The following NAV3 variants were observed in gnomAD, a reference collection of about 807,000 sequenced individuals.
NAV3 encodes neuron navigator 3.
Under a neutral mutation model 244.7 loss-of-function variants are expected in NAV3, and 87 were observed. That is an observed-to-expected ratio of 0.36 (90% confidence interval 0.30 to 0.42). The LOEUF is 0.42. NAV3 is among the 20% of genes least tolerant of loss of function. The pLI is 1.00. For missense variants in NAV3, 2,663 were observed against 2,893.3 expected (o/e 0.92, Z 1.83); for synonymous variants, 1,126 against 1,042.2 (o/e 1.08, Z -1.55).
intron 2 of NAV3, among the ~76,000 whole-genome samples, chr12:77,804,771 C>T (rs1871886916): frequency 6.6e-6 from 1 of 152,042 alleles, no homozygotes; most frequent in African/African-American, 2.4e-5. Context: ...GCAGTATGGC[C>T]ATTTTCACGA....
intron 2 of NAV3, among the ~76,000 whole-genome samples, chr12:77,676,432 C>T (rs971479244): frequency 1.3e-5 from 2 of 152,186 alleles, no homozygotes; most frequent in African/African-American, 4.8e-5. Flanking sequence ...AGCTGACAAG[C>T]ATGTCTTATA....
At chr12:77,860,737 G>A (rs1879138739) in intron 1 of NAV3, among the ~76,000 whole-genome samples, 1 of 151,842 alleles carries the variant, frequency 6.6e-6, no homozygotes, top group African/African-American at 2.4e-5. Context: ...TTTAAATAGA[G>A]CTCTGCATGA....
chr12:77,885,037 A>C (rs1439453027), intron 1 of NAV3, among the ~76,000 whole-genome samples: 1 of 152,140 alleles, frequency 6.6e-6, no homozygotes, highest in Non-Finnish European at 1.5e-5. Flanking sequence ...GGAAGAGTCT[A>C]CATTCATGGA....
chr12:77,711,719 T>C (rs1223573873), intron 2 of NAV3, among the ~76,000 whole-genome samples: 2 of 152,112 alleles, frequency 1.3e-5, no homozygotes, highest in Non-Finnish European at 2.9e-5. Context: ...GACTGGAAGA[T>C]TTTGACTGGA....
chr12:77,763,676 C>T (rs983816963), intron 2 of NAV3, among the ~76,000 whole-genome samples: 1 of 152,192 alleles, frequency 6.6e-6, no homozygotes, highest in African/African-American at 2.4e-5. Flanking sequence ...GGAAATATTA[C>T]ACTGCCCTGT....
chr12:77,701,211 A>C (rs752443902), intron 2 of NAV3, among the ~76,000 whole-genome samples: 98 of 151,920 alleles, frequency 6.5e-4, no homozygotes, highest in South Asian at 1.0e-3. Flanking sequence ...ATTTGAGTAC[A>C]AATTTATTTT....
At chr12:77,624,175 C>T (rs565482309) in intron 2 of NAV3, among the ~76,000 whole-genome samples, 17 of 152,060 alleles carry the variant, frequency 1.1e-4, no homozygotes, top group Admixed American at 7.9e-4. Context: ...GAAGAGGTGA[C>T]GTTTTGAAAA....
intron 1 of NAV3, among the ~76,000 whole-genome samples, chr12:77,850,507 C>T (rs1877347721): frequency 6.6e-6 from 1 of 152,198 alleles, no homozygotes; most frequent in East Asian, 1.9e-4. Context: ...TTCTTGCTTT[C>T]TTTCAAATCT....
chr12:78,020,342 T>G (rs1876937796), intron 8 of NAV3, among the ~76,000 whole-genome samples: 1 of 152,188 alleles, frequency 6.6e-6, no homozygotes, highest in Admixed American at 6.5e-5. Flanking sequence ...TCTTTTAAAT[T>G]TAGCTACTTT....
chr12:77,948,573 A>G (rs1040287661), intron 3 of NAV3, among the ~76,000 whole-genome samples: 8 of 151,860 alleles, frequency 5.3e-5, no homozygotes, highest in African/African-American at 1.7e-4. Context: ...ACAAAATACA[A>G]TCATTGTATT....
intron 2 of NAV3, among the ~76,000 whole-genome samples, chr12:77,718,596 C>CA (rs1876469654): frequency 6.6e-6 from 1 of 151,740 alleles, no homozygotes; most frequent in Admixed American, 6.6e-5. Flanking sequence ...TCTATTTCTA[C>CA]AAAAAAGCCA....
chr12:78,134,607 C>T (rs1480376515), intron 18 of NAV3, among the ~76,000 whole-genome samples: 2 of 152,048 alleles, frequency 1.3e-5, no homozygotes, highest in Non-Finnish European at 2.9e-5. Context: ...CCCAGTCCAG[C>T]CAGACACATT....
At chr12:78,182,087 A>G (rs969872273) in intron 30 of NAV3, among the ~76,000 whole-genome samples, 13 of 152,084 alleles carry the variant, frequency 8.5e-5, no homozygotes, top group Non-Finnish European at 1.8e-4. Context: ...TTCTGAGAAT[A>G]AGCATCAAGT....
At chr12:77,636,398 G>A (rs1872154908) in intron 2 of NAV3, among the ~76,000 whole-genome samples, 1 of 150,278 alleles carries the variant, frequency 6.7e-6, no homozygotes, top group South Asian at 2.1e-4. Context: ...CCTGGAGGCA[G>A]AGGTTGCAGT....
intron 18 of NAV3, among the ~76,000 whole-genome samples, chr12:78,133,107 T>A (rs1956231643): frequency 6.6e-6 from 1 of 152,142 alleles, no homozygotes; most frequent in African/African-American, 2.4e-5. Context: ...GACTCCCTTA[T>A]GTTTCAACAT....
At chr12:77,977,712 G>GCGCACACACA (rs1349366739) in intron 5 of NAV3, among the ~76,000 whole-genome samples, 108 of 142,996 alleles carry the variant, frequency 7.6e-4, no homozygotes, top group African/African-American at 1.5e-3. Flanking sequence ...ACACACACGC[G>GCGCACACACA]CACACACACA....
chr12:77,943,617 T>C (rs1428949507), intron 3 of NAV3, among the ~76,000 whole-genome samples: 2 of 152,260 alleles, frequency 1.3e-5, no homozygotes, highest in African/African-American at 4.8e-5. Context: ...TATGATAGCA[T>C]GACTAGGCTT....
At chr12:78,143,565 A>G (rs1349894732) in intron 20 of NAV3, 1 of 238,602 alleles carries the variant, frequency 4.2e-6, no homozygotes, top group African/African-American at 2.6e-5. Context: ...TGGGAGGCTG[A>G]GGCTGCTGCA....
chr12:77,588,734 G>A (rs1328417063), intron 2 of NAV3, among the ~76,000 whole-genome samples: 1 of 152,114 alleles, frequency 6.6e-6, no homozygotes, highest in Non-Finnish European at 1.5e-5. Context: ...TACTTATAAA[G>A]AAAGTAATTC....
Sources: allele counts gnomAD v4.1 joint callset (sites outside exome capture counted in the v4.1 genomes callset), GRCh38; gene constraint gnomAD v4.1.1; transcripts MANE v1.5; gene names NCBI Gene and HGNC (gene_info 2026-07-23, HGNC 2026-07-21).